Variants in ANKS3 observed in about 807,000 individuals in gnomAD.
ANKS3 encodes ankyrin repeat and SAM domain-containing protein 3.
In ANKS3, 62 loss-of-function variants were observed where a neutral mutation model predicts 80.7. The observed-to-expected ratio is 0.77, with a 90% CI of 0.63 to 0.95. The LOEUF is 0.95. Among genes scored for constraint, ANKS3 ranks in the 40% least tolerant of loss-of-function variants. The probability of loss-of-function intolerance (pLI) is 0.00; values close to 1 mark genes in which losing one functional copy is unlikely to be tolerated. For missense variants in ANKS3, 1,150 were observed against 883.6 expected (o/e 1.30, Z -3.82); for synonymous variants, 489 against 355.3 (o/e 1.38, Z -4.23).
At chr16:4,706,444 C>T (rs1596371149) in intron 7 of ANKS3, among the ~76,000 whole-genome samples, 1 of 152,068 alleles carries the variant, frequency 6.6e-6, no homozygotes, top group South Asian at 2.1e-4. Context: ...ACCATGTTGG[C>T]CAGGCTGGTC....
At position 4,730,015 on chromosome 16, in the gene ANKS3, A is replaced by C. The variant is rs747005069; in HGVS notation, c.135T>G (p.Ile45Met). Reference protein sequence around the residue: ...VPLDLHTAASIGQYEVVKECV... With the variant: ...VPLDLHTAASMGQYEVVKECV... ...ACTCCTTCACCACTTCATACTGGCC[A>C]ATGGAAGCAGCTGTGTGAAGATCCA... Residue 45 changes from isoleucine (I) to methionine (M), a missense_variant, in exon 3 of 18, where the codon ATT (isoleucine) becomes ATG (methionine). By Grantham distance (10) the Ile-to-Met change is conservative (BLOSUM62 1). Coordinates refer to ENST00000304283, the MANE Select transcript of ANKS3 (RefSeq NM_133450.4). 6.4e-7 allele frequency: 1 copy of C among 1,567,814 alleles called. No individual in the cohort carries two copies. Among genetic ancestry groups the C allele is most frequent in the African/African-American group, 1.4e-5 (1 of 73,342 alleles).
intron 6 of ANKS3, among the ~76,000 whole-genome samples, chr16:4,723,570 G>T (rs915774648): frequency 6.6e-6 from 1 of 152,170 alleles, no homozygotes; most frequent in Non-Finnish European, 1.5e-5. Context: ...TTACCGGCGT[G>T]CGCCACCGCA....
chr16:4,713,367 G>A (rs1212003798), intron 7 of ANKS3, among the ~76,000 whole-genome samples: 4 of 151,884 alleles, frequency 2.6e-5, no homozygotes, highest in Admixed American at 6.6e-5. Context: ...ACTTATTCAC[G>A]TATCCAACCA....
chr16:4,706,356 A>T (rs536672699), intron 7 of ANKS3, among the ~76,000 whole-genome samples: 3 of 151,660 alleles, frequency 2.0e-5, no homozygotes, highest in Non-Finnish European at 4.4e-5. Context: ...TCAGGCTCCC[A>T]AGTAGCTGGG....
At chr16:4,701,630 G>C in intron 9 of ANKS3, 87 bp from the exon 10 acceptor site, 1 of 1,196,920 alleles carries the variant, frequency 8.4e-7, no homozygotes, top group Admixed American at 2.6e-5. Flanking sequence ...GCCTCCACCA[G>C]GGCACTCCTT....
intron 15 of ANKS3, among the ~76,000 whole-genome samples, chr16:4,697,633 G>A (rs1195421717): frequency 2.0e-5 from 3 of 152,348 alleles, no homozygotes; most frequent in East Asian, 3.9e-4. Context: ...GGGTCAGCCC[G>A]AGAGAAGGCA....
At position 4,726,757 on chromosome 16, in the gene ANKS3, T is replaced by C. The variant is rs773573499; in HGVS notation, c.393A>G (p.Lys131=). ...LLQQGAELEM[K]DIQGWTALFH... is the part of the protein sequence containing the mutation. Reference sequence around the variant, plus strand: ...AGAGGGCTGTCCAGCCCTGGATGTCTTTCATTTCTAGCTCTGCACCTTGCT... The same window carrying C: ...AGAGGGCTGTCCAGCCCTGGATGTCCTTCATTTCTAGCTCTGCACCTTGCT... The change falls in exon 5 of 18, where the codon AAA becomes AAG. Residue 131 remains lysine, a synonymous_variant. Coordinates refer to ENST00000304283, the MANE Select transcript of ANKS3 (RefSeq NM_133450.4). The C allele has an allele frequency of 1.2e-6, 2 of 1,614,044 alleles. No individual in the cohort carries two copies. Among genetic ancestry groups the C allele is most frequent in the South Asian group, 2.2e-5 (2 of 91,088 alleles).
In ANKS3 at chr16:4,696,731, G is replaced by C. The variant is rs2079571771; in HGVS notation, c.*177C>G. Reference sequence around the variant, plus strand: ...CGCCTCAGTGCTGGCCCGAGCTGCCGAGCCAGGGCCGCAGCCCCCGTCTTG... The same window carrying C: ...CGCCTCAGTGCTGGCCCGAGCTGCCCAGCCAGGGCCGCAGCCCCCGTCTTG... On this transcript the variant is annotated 3_prime_UTR_variant, in exon 18 of 18. Coordinates refer to ENST00000304283, the MANE Select transcript of ANKS3 (RefSeq NM_133450.4). The C allele has an allele frequency of 4.0e-6, 2 of 497,320 alleles. No individual in the cohort carries two copies. Among genetic ancestry groups the C allele is most frequent in the South Asian group, 2.1e-5 (1 of 46,806 alleles). 30.8% of individuals were successfully genotyped at this position (497,320 alleles called of 1,614,324 possible).
Position 4,699,033 on chromosome 16 carries a change from G to A in ANKS3, c.1409+19C>T, listed in dbSNP as rs772118388. The A allele has an allele frequency of 6.2e-7, 1 of 1,614,194 alleles. No individual in the cohort carries two copies. Among genetic ancestry groups the A allele is most frequent in the Admixed American group, 1.7e-5 (1 of 60,034 alleles). ...CCCCAACCCCGGGCTGAGGGCCAGA[G>A]CGGCCCTTCTGGACGCACGTGATGC... On this transcript the variant is annotated intron_variant, in intron 12 of 17. Transcript: ENST00000304283.
intron 5 of ANKS3, among the ~76,000 whole-genome samples, chr16:4,726,174 C>T (rs971783451): frequency 7.2e-5 from 11 of 151,852 alleles, no homozygotes; most frequent in Non-Finnish European, 1.5e-5. Context: ...GATGGGGTTT[C>T]ACCATGTTAG....
Position 4,714,492 on chromosome 16 carries a change from G to A in ANKS3, c.574-306C>T, listed in dbSNP as rs558121790. ...GGAGATCCCAGCCTTCACCTTCTGCGCCTGGGCTGTGTCCCACTCACTTCG... is the reference window on the plus strand; with the variant it reads ...GGAGATCCCAGCCTTCACCTTCTGCACCTGGGCTGTGTCCCACTCACTTCG... On this transcript the variant is annotated intron_variant, in intron 6 of 17. Coordinates refer to ENST00000304283, the MANE Select transcript of ANKS3 (RefSeq NM_133450.4). Among the ~76,000 whole-genome samples, 4 of 152,330 alleles carry A rather than the reference G, an allele frequency of 2.6e-5. No homozygotes were observed. In the South Asian group the frequency reaches 6.2e-4, roughly 24 times the overall value.
intron 5 of ANKS3, 110 bp from the exon 6 acceptor site, chr16:4,724,941 C>A: frequency 1.2e-6 from 1 of 817,418 alleles, no homozygotes; most frequent in Non-Finnish European, 2.0e-6. Flanking sequence ...GATCCCTAAG[C>A]GTAGAACACT....
chr16:4,697,052 G>A lies in ANKS3; in HGVS notation c.1947C>T (p.Asn649=), dbSNP rs149578143. Residue 649 remains asparagine (N), a synonymous_variant, in exon 17 of 18, where the codon AAC becomes AAT. Coordinates refer to ENST00000304283, the MANE Select transcript of ANKS3 (RefSeq NM_133450.4). ...TQSLEKLQVL[N]GKKWRET Reference sequence around the variant, plus strand: ...GCTAGGTCTCCCGCCACTTCTTCCCGTTCAGCACCTGCAGCTTCTCCAGGC... The same window carrying A: ...GCTAGGTCTCCCGCCACTTCTTCCCATTCAGCACCTGCAGCTTCTCCAGGC... 50 of 1,613,708 alleles carry A rather than the reference G, an allele frequency of 3.1e-5. No homozygotes were observed. The highest frequency in any genetic ancestry group is 2.3e-4 in the African/African-American group (17 of 74,904).
At chr16:4,698,759 G>C (rs184798314) in intron 13 of ANKS3, 41 bp downstream of exon 13, 16 of 1,565,736 alleles carry the variant, frequency 1.0e-5, no homozygotes, top group African/African-American at 1.4e-5. Context: ...GCCAACTCAC[G>C]GGTGTCACCC....
chr16:4,730,077 C>G lies in ANKS3; in HGVS notation c.73G>C (p.Gly25Arg). ...NRSLSMWHGL[G>R]TQVSGEELDV... ...AGCTCCTCCCCGCTGACCTGTGTCC[C>G]GAGCCCGTGCCACATGGACAAGCTG... Residue 25 changes from glycine (G) to arginine (R), a missense_variant, in exon 3 of 18, where the codon GGG becomes CGG. Coordinates refer to ENST00000304283, the MANE Select transcript of ANKS3 (RefSeq NM_133450.4). The G allele has an allele frequency of 6.3e-7, 1 of 1,594,348 alleles. No individual in the cohort carries two copies. The highest frequency in any genetic ancestry group is 8.6e-7 in the Non-Finnish European group (1 of 1,168,864).
intron 6 of ANKS3, among the ~76,000 whole-genome samples, chr16:4,722,200 A>G (rs1253429308): frequency 6.6e-6 from 1 of 151,484 alleles, no homozygotes; most frequent in African/African-American, 2.4e-5. Context: ...ATTTTTCACT[A>G]TTTAAGAAAT....
In ANKS3 at chr16:4,702,165, G is replaced by C; in HGVS notation, c.946C>G (p.Arg316Gly). The part of the protein sequence containing the change: ...NPLEEEGLCC[R>G]DVTSPINERD... ...TCATTGATGGGGGAGGTGACATCCC[G>C]GCAGCAGAGGCCCTCTTCTTCCAGG... is the stretch of plus-strand genomic sequence containing the variant. Residue 316 changes from arginine to glycine, a missense_variant, in exon 9 of 18, where the codon CGG becomes GGG. Physicochemically the swap from Arg to Gly is moderately radical, Grantham distance 125 (BLOSUM62 -2). Coordinates refer to ENST00000304283, the MANE Select transcript of ANKS3 (RefSeq NM_133450.4). 1.3e-6 allele frequency: 2 copies of C among 1,591,918 alleles called. No individual in the cohort carries two copies. Among genetic ancestry groups the C allele is most frequent in the Non-Finnish European group, 1.7e-6 (2 of 1,170,858 alleles).
chr16:4,722,033 T>C (rs1316318612), intron 6 of ANKS3, among the ~76,000 whole-genome samples: 6 of 151,416 alleles, frequency 4.0e-5, no homozygotes, highest in Non-Finnish European at 4.4e-5. Flanking sequence ...ACCATGAGCA[T>C]GTGTGGGTGT....
chr16:4,729,387 G>A (rs1426759147), intron 3 of ANKS3: 11 of 152,284 alleles, frequency 7.2e-5, no homozygotes, highest in African/African-American at 2.6e-4. Flanking sequence ...TTGAGACAGA[G>A]TCTCACTCTG....
Sources: allele counts gnomAD v4.1 joint callset (sites outside exome capture counted in the v4.1 genomes callset), GRCh38; gene constraint gnomAD v4.1.1; transcripts MANE v1.5; gene names NCBI Gene and HGNC (gene_info 2026-07-23, HGNC 2026-07-21).